UBE4B: variants seen among roughly 807,000 people sequenced by gnomAD.
UBE4B encodes ubiquitination factor E4B.
In UBE4B, 27 loss-of-function variants were observed where a neutral mutation model predicts 148.1. The observed-to-expected ratio is 0.18, with a 90% CI of 0.13 to 0.25. The LOEUF (loss-of-function observed/expected upper bound fraction) is 0.25, where lower values mean the gene tolerates loss of function less well. UBE4B is among the 10% of genes least tolerant of loss of function. UBE4B has a pLI of 1.00. For synonymous variants in UBE4B, 596 were observed against 619.3 expected, an observed-to-expected ratio of 0.96 and a Z score of 0.56; for missense variants, 1,170 against 1,662.4, an observed-to-expected ratio of 0.70 and a Z score of 5.15.
intron 7 of UBE4B, among the ~76,000 whole-genome samples, chr1:10,115,666 G>C (rs1426836789): frequency 6.6e-6 from 1 of 152,166 alleles, no homozygotes; most frequent in Non-Finnish European, 1.5e-5. Flanking sequence ...TAACGAGAGG[G>C]ATACATTCTG....
intron 7 of UBE4B, among the ~76,000 whole-genome samples, chr1:10,114,094 AGATGCGTTTCTTCCC>A (rs1645266949): frequency 6.7e-6 from 1 of 150,326 alleles, no homozygotes; most frequent in Non-Finnish European, 1.5e-5. Flanking sequence ...AAAAAAAAAA[AGATGCGTTTCTTCCC>A]AGAAATGTAA....
chr1:10,126,112 A>G (rs1312334557), intron 10 of UBE4B, among the ~76,000 whole-genome samples: 2 of 152,194 alleles, frequency 1.3e-5, no homozygotes, highest in African/African-American at 4.8e-5. Context: ...CAGCGTGGCC[A>G]ACAAAGTGAA....
At chr1:10,146,780 C>G (rs1439807883) in intron 18 of UBE4B, among the ~76,000 whole-genome samples, 183 bp from the exon 19 acceptor site, 2 of 152,012 alleles carry the variant, frequency 1.3e-5, no homozygotes, top group Admixed American at 6.6e-5. Context: ...CTTGCCACGC[C>G]TTTGTTTTTC....
intron 1 of UBE4B, among the ~76,000 whole-genome samples, chr1:10,036,635 C>A (rs1423757937): frequency 6.6e-6 from 1 of 152,008 alleles, no homozygotes; most frequent in African/African-American, 2.4e-5. Context: ...GGAAAAATAT[C>A]TTTGAAGTTT....
chr1:10,167,425 G>A (rs966468041), intron 23 of UBE4B, among the ~76,000 whole-genome samples: 1 of 144,742 alleles, frequency 6.9e-6, no homozygotes, highest in Non-Finnish European at 1.5e-5. Context: ...GGCAACAAGC[G>A]AAACTCCGTC....
chr1:10,163,280 G>C (rs1381297548), intron 23 of UBE4B: 1 of 152,136 alleles, frequency 6.6e-6, no homozygotes, highest in East Asian at 1.9e-4. Context: ...GCTTGCTTCA[G>C]CAGCACGTAT....
chr1:10,076,234 T>G (rs1358117920), intron 2 of UBE4B, among the ~76,000 whole-genome samples: 1 of 149,900 alleles, frequency 6.7e-6, no homozygotes, highest in African/African-American at 2.5e-5. Context: ...AAAAAGTGCT[T>G]CTTTCTTTCT....
At chr1:10,099,566 G>T (rs1365769584) in intron 3 of UBE4B, among the ~76,000 whole-genome samples, 1 of 152,086 alleles carries the variant, frequency 6.6e-6, no homozygotes. Context: ...CTCTAAGAGT[G>T]AAAAAAATTT....
At chr1:10,148,708 G>C (rs1379353452) in intron 19 of UBE4B, among the ~76,000 whole-genome samples, 1 of 151,596 alleles carries the variant, frequency 6.6e-6, no homozygotes, top group Non-Finnish European at 1.5e-5. Flanking sequence ...GGGAGGCCAA[G>C]ATGGGTGGAT....
At chr1:10,090,917 A>G (rs1390023844) in intron 2 of UBE4B, among the ~76,000 whole-genome samples, 1 of 152,088 alleles carries the variant, frequency 6.6e-6, no homozygotes, top group Non-Finnish European at 1.5e-5. Flanking sequence ...TTCAGGAAAT[A>G]TTACAATACT....
intron 3 of UBE4B, among the ~76,000 whole-genome samples, chr1:10,096,121 T>TA (rs567535140): frequency 3.1e-4 from 47 of 152,184 alleles, no homozygotes; most frequent in African/African-American, 1.0e-3. Context: ...TGTAGTCAGT[T>TA]AAAAAAAATC....
At chr1:10,034,381 A>G (rs917640557) in intron 1 of UBE4B, among the ~76,000 whole-genome samples, 2 of 152,104 alleles carry the variant, frequency 1.3e-5, no homozygotes, top group East Asian at 1.9e-4. Flanking sequence ...GTGGAAGCAA[A>G]TGACTTTCTA....
chr1:10,155,541 A>C (rs918200716), intron 21 of UBE4B, among the ~76,000 whole-genome samples: 1 of 152,120 alleles, frequency 6.6e-6, no homozygotes, highest in African/African-American at 2.4e-5. Context: ...GTGTGAGGGT[A>C]CCCCTGAGGG....
intron 17 of UBE4B, among the ~76,000 whole-genome samples, chr1:10,142,050 T>A (rs2101967673): frequency 6.6e-6 from 1 of 152,170 alleles, no homozygotes; most frequent in South Asian, 2.1e-4. Flanking sequence ...TGTCATTTTT[T>A]TTTTTCTATA....
At chr1:10,124,955 A>G (rs1360965625) in intron 10 of UBE4B, among the ~76,000 whole-genome samples, 1 of 152,080 alleles carries the variant, frequency 6.6e-6, no homozygotes, top group Non-Finnish European at 1.5e-5. Context: ...GCAAAACCCC[A>G]TCTCTACTCA....
chr1:10,165,324 G>A (rs1646230224), intron 23 of UBE4B, among the ~76,000 whole-genome samples: 1 of 152,102 alleles, frequency 6.6e-6, no homozygotes, highest in Non-Finnish European at 1.5e-5. Flanking sequence ...TCTAAGCTCT[G>A]TCTTAAAATA....
intron 17 of UBE4B, among the ~76,000 whole-genome samples, chr1:10,140,772 GGTGTGTATATGC>G (rs1645770777): frequency 6.6e-6 from 1 of 152,100 alleles, no homozygotes; most frequent in Non-Finnish European, 1.5e-5. Flanking sequence ...ACATAGTTGG[GGTGTGTATATGC>G]GTATTGGAAA....
At chr1:10,089,502 T>G (rs1644814016) in intron 2 of UBE4B, among the ~76,000 whole-genome samples, 1 of 137,476 alleles carries the variant, frequency 7.3e-6, no homozygotes, top group African/African-American at 2.9e-5. Flanking sequence ...AACATGTCTC[T>G]GAAAAAAAAA....
Position 10,077,818 on chromosome 1 carries a change from T to C in UBE4B, c.211+5604T>C, listed in dbSNP as rs78868627. 4.2e-3 allele frequency among the ~76,000 whole-genome samples: 644 copies of C among 152,312 alleles called. 12 individuals are homozygous for C. The highest frequency in any genetic ancestry group is 0.024 in the Middle Eastern group (7 of 294). On this transcript the variant is annotated intron_variant, in intron 2 of 27. Transcript: ENST00000343090. ...TTATATAAAATATTTCAAATGTACATGATAACATAACTAGTGCCTATGGAA... is the reference window on the plus strand; with the variant it reads ...TTATATAAAATATTTCAAATGTACACGATAACATAACTAGTGCCTATGGAA...
Sources: gnomAD v4.1 joint callset for allele counts (sites outside exome capture counted in the v4.1 genomes callset) on GRCh38, gnomAD v4.1.1 for gene constraint, MANE v1.5 for transcripts, NCBI Gene and HGNC (gene_info 2026-07-23, HGNC 2026-07-21) for gene names.